Variants in ZFAT observed in about 807,000 individuals in gnomAD.
The protein encoded by ZFAT is zinc finger protein ZFAT.
In ZFAT, 64 loss-of-function variants were observed where a neutral mutation model predicts 117.7. That is an observed-to-expected ratio of 0.54 (90% CI 0.44 to 0.67). The LOEUF (loss-of-function observed/expected upper bound fraction) is 0.67. Ranked by LOEUF, ZFAT falls within the 30% of genes least tolerant of loss-of-function variation. The probability of loss-of-function intolerance (pLI) is 0.00; values close to 1 mark genes in which losing one functional copy is unlikely to be tolerated. For synonymous variants in ZFAT, 679 were observed against 615.0 expected, an observed-to-expected ratio of 1.10 and a Z score of -1.54; for missense variants, 1,433 against 1,584.5, an observed-to-expected ratio of 0.90 and a Z score of 1.62.
At chr8:134,590,123 G>A (rs145401276) in intron 8 of ZFAT, 145 bp downstream of exon 8, 20 of 605,568 alleles carry the variant, frequency 3.3e-5, no homozygotes, top group African/African-American at 1.8e-4. Context: ...TCCCAGCGTC[G>A]AATAAAGATG....
chr8:134,628,419 T>C (rs974757687), intron 3 of ZFAT, among the ~76,000 whole-genome samples: 2 of 152,046 alleles, frequency 1.3e-5, no homozygotes, highest in African/African-American at 4.8e-5. Context: ...TAGCAGGTTC[T>C]TAAGGCGCTT....
chr8:134,534,594 A>AGAGAGGGAGAGAGGGAAGAGAGG (rs1821680712), intron 11 of ZFAT, among the ~76,000 whole-genome samples: 2 of 146,630 alleles, frequency 1.4e-5, no homozygotes, highest in African/African-American at 5.3e-5. Flanking sequence ...GAGAGAAGGG[A>AGAGAGGGAGAGAGGGAAGAGAGG]GAGAGGGAGA....
chr8:134,824,612 GT>G, the ZFAT span, among the ~76,000 whole-genome samples: 1 of 152,106 alleles, frequency 6.6e-6, no homozygotes, highest in Non-Finnish European at 1.5e-5. Flanking sequence ...ACACAAATAT[GT>G]TCTACTTACT....
At chr8:134,660,515 T>G (rs1831872303) in intron 1 of ZFAT, among the ~76,000 whole-genome samples, 1 of 152,220 alleles carries the variant, frequency 6.6e-6, no homozygotes. Context: ...GTCCAGGCCC[T>G]GCCACAAGAG....
the ZFAT span, among the ~76,000 whole-genome samples, chr8:134,809,022 T>C: frequency 6.6e-6 from 1 of 152,256 alleles, no homozygotes; most frequent in African/African-American, 2.4e-5. Context: ...ACGTCTCTTC[T>C]TGTGCTGTAT....
intron 1 of ZFAT, among the ~76,000 whole-genome samples, chr8:134,702,726 C>T (rs1023872159): frequency 6.6e-6 from 1 of 150,648 alleles, no homozygotes; most frequent in Non-Finnish European, 1.5e-5. Context: ...GGCTGGAGTA[C>T]AGTGGCGCGA....
At chr8:134,801,507 A>C in the ZFAT span, among the ~76,000 whole-genome samples, 2 of 152,200 alleles carry the variant, frequency 1.3e-5, no homozygotes, top group African/African-American at 4.8e-5. Context: ...GAACCTCGCC[A>C]GTCTCTACCT....
intron 10 of ZFAT, chr8:134,565,705 G>A (rs577530984): frequency 3.3e-5 from 17 of 513,016 alleles, no homozygotes; most frequent in Middle Eastern, 3.2e-4. Context: ...GAAAGAGTAA[G>A]GGTGTGTCCA....
chr8:134,588,902 G>A (rs1303374500), intron 8 of ZFAT, among the ~76,000 whole-genome samples: 1 of 152,218 alleles, frequency 6.6e-6, no homozygotes, highest in Non-Finnish European at 1.5e-5. Flanking sequence ...CGGTAACATG[G>A]TGGTTATGTT....
At chr8:134,514,836 T>A (rs999990319) in intron 13 of ZFAT, among the ~76,000 whole-genome samples, 10 of 152,212 alleles carry the variant, frequency 6.6e-5, no homozygotes, top group African/African-American at 2.4e-4. Context: ...ATACTCTAAG[T>A]TCTGGGGTAC....
intron 15 of ZFAT, among the ~76,000 whole-genome samples, chr8:134,504,401 T>A (rs1326447837): frequency 6.6e-6 from 1 of 152,134 alleles, no homozygotes; most frequent in East Asian, 1.9e-4. Context: ...GAAGATGCTG[T>A]GTCATCATAA....
chr8:134,790,324 C>A, the ZFAT span, among the ~76,000 whole-genome samples: 1 of 152,156 alleles, frequency 6.6e-6, no homozygotes, highest in African/African-American at 2.4e-5. Context: ...CTTAAAGGAA[C>A]CTTTCAGGCA....
intron 15 of ZFAT, among the ~76,000 whole-genome samples, chr8:134,505,157 T>G (rs183194704): frequency 6.6e-6 from 1 of 152,352 alleles, no homozygotes; most frequent in South Asian, 2.1e-4. Flanking sequence ...ACTTATTACA[T>G]GTATATGGAT....
intron 1 of ZFAT, among the ~76,000 whole-genome samples, chr8:134,682,614 C>G (rs1182231574): frequency 6.6e-6 from 1 of 152,148 alleles, no homozygotes; most frequent in Non-Finnish European, 1.5e-5. Flanking sequence ...GAGATTGTGC[C>G]ATTGCACTCC....
chr8:134,535,354 A>G (rs570237625), intron 11 of ZFAT, among the ~76,000 whole-genome samples: 1 of 152,300 alleles, frequency 6.6e-6, no homozygotes, highest in South Asian at 2.1e-4. Flanking sequence ...TCTTTCTGCA[A>G]AATCAGTTAG....
In ZFAT at chr8:134,478,676, C is replaced by A. The variant is rs1324776392; in HGVS notation, c.3538G>T (p.Glu1180Ter). 7 of 1,581,422 alleles carry A rather than the reference C, an allele frequency of 4.4e-6. No homozygotes were observed. Among genetic ancestry groups the A allele is most frequent in the Non-Finnish European group, 6.0e-6 (7 of 1,164,248 alleles). The change falls in exon 16 of 16, where the codon GAG becomes TAG. Residue 1180 changes from glutamate to a stop codon, truncating the protein, a stop_gained. Transcript: ENST00000377838. LOFTEE classifies it high-confidence loss of function. The surrounding 1 kb of genome is among the most constrained non-coding windows in gnomAD (Gnocchi z 5.2). Reference sequence around the variant, plus strand: ...TCCACGGACGCTTGCTGGACCGTCTCCTGGATCATGACCGTGTGGTTGGAG... The same window carrying A: ...TCCACGGACGCTTGCTGGACCGTCTACTGGATCATGACCGTGTGGTTGGAG... The part of the protein sequence containing the change: ...PSSNHTVMIQ[E>*]TVQQASVELA...
At chr8:134,619,647 G>A (rs1429162320) in intron 3 of ZFAT, among the ~76,000 whole-genome samples, 1 of 152,164 alleles carries the variant, frequency 6.6e-6, no homozygotes, top group Non-Finnish European at 1.5e-5. Flanking sequence ...TAGTAAAGTG[G>A]GGAAAGACAG....
intron 11 of ZFAT, among the ~76,000 whole-genome samples, chr8:134,546,806 G>A (rs1822733022): frequency 6.6e-6 from 1 of 152,160 alleles, no homozygotes; most frequent in South Asian, 2.1e-4. Flanking sequence ...TTTATTGCAA[G>A]GACTGGAGCT....
chr8:134,679,583 C>T (rs1171014967), intron 1 of ZFAT, among the ~76,000 whole-genome samples: 1 of 152,198 alleles, frequency 6.6e-6, no homozygotes, highest in African/African-American at 2.4e-5. Context: ...AATCCCATTA[C>T]TGGGTATATA....
Sources: allele counts gnomAD v4.1 joint callset (sites outside exome capture counted in the v4.1 genomes callset), GRCh38; gene constraint gnomAD v4.1.1; non-coding constraint Gnocchi (gnomAD v3.1); transcripts MANE v1.5; gene names NCBI Gene and HGNC (gene_info 2026-07-23, HGNC 2026-07-21).